HIF1A: variants seen among roughly 807,000 people sequenced by gnomAD.
The protein encoded by HIF1A is hypoxia-inducible factor 1-alpha.
HIF1A carries 24 observed loss-of-function variants against 92.7 expected under a neutral mutation model. The ratio of observed to expected loss-of-function variants is 0.26; its 90% CI spans 0.19 to 0.36. HIF1A has a LOEUF of 0.36. Ranked by LOEUF, HIF1A falls within the 10% of genes least tolerant of loss-of-function variation. The pLI is 1.00. For synonymous variants in HIF1A, 319 were observed against 338.7 expected (o/e 0.94, Z 0.64); for missense variants, 799 against 998.5 (o/e 0.80, Z 2.69).
Position 61,741,164 on chromosome 14 carries a change from T to C in HIF1A, c.2069T>C (p.Val690Ala), listed in dbSNP as rs1325615405. 6.2e-7 allele frequency: 1 copy of C among 1,603,748 alleles called. No individual in the cohort carries two copies. Among genetic ancestry groups the C allele is most frequent in the African/African-American group, 1.3e-5 (1 of 74,132 alleles). Residue 690 changes from valine to alanine, a missense_variant, in exon 12 of 15, where the codon GTG (valine) becomes GCG (alanine). Physicochemically the swap from Val to Ala is moderately conservative, Grantham distance 64. This residue lies in a region of HIF1A where 283 missense variants were observed against 277.5 expected (regional missense o/e 1.02). Transcript: ENST00000337138. ...AAATCTCATCCAAGAAGCCCTAACG[T>C]GTTATCTGTCGCTTTGAGTCAAAGG... ...TEKSHPRSPN[V>A]LSVALSQRTT...
chr14:61,730,727 A>G (rs2140146049), intron 6 of HIF1A, among the ~76,000 whole-genome samples: 1 of 152,276 alleles, frequency 6.6e-6, no homozygotes, highest in Non-Finnish European at 1.5e-5. Flanking sequence ...CAGTACATCT[A>G]CTGGAAGATT....
At position 61,742,609 on chromosome 14, in the gene HIF1A, G is replaced by A. The variant is rs2140158672; in HGVS notation, c.2093+1421G>A. Reference sequence around the variant, plus strand: ...CCTCAATAAATGGTTGTTGAGGCAGGGCGCAGTGGCTCATCACTGTAATCT... The same window carrying A: ...CCTCAATAAATGGTTGTTGAGGCAGAGCGCAGTGGCTCATCACTGTAATCT... On this transcript the variant is annotated intron_variant, in intron 12 of 14. Coordinates refer to ENST00000337138, the MANE Select transcript of HIF1A (RefSeq NM_001530.4). Among the ~76,000 whole-genome samples the A allele has an allele frequency of 1.3e-5, 2 of 152,216 alleles. 1 individual carries two copies. Among genetic ancestry groups the A allele is most frequent in the South Asian group, 4.1e-4 (2 of 4,820 alleles).
chr14:61,741,282 T>C, intron 12 of HIF1A, 94 bp downstream of exon 12: 1 of 838,948 alleles, frequency 1.2e-6, no homozygotes, highest in South Asian at 1.9e-5. Flanking sequence ...TAGCAAACTT[T>C]CTGATATATA....
At chr14:61,737,273 G>A (rs1484152632) in intron 9 of HIF1A, among the ~76,000 whole-genome samples, 164 bp downstream of exon 9, 2 of 152,090 alleles carry the variant, frequency 1.3e-5, no homozygotes, top group African/African-American at 4.8e-5. Flanking sequence ...TTTTGCCCCC[G>A]TAATTTCTTA....
intron 13 of HIF1A, among the ~76,000 whole-genome samples, chr14:61,745,348 G>A (rs771890349): frequency 2.0e-5 from 3 of 152,160 alleles, no homozygotes; most frequent in Non-Finnish European, 2.9e-5. Flanking sequence ...GCTTGAACCC[G>A]GGAGGTGGAG....
chr14:61,732,124 G>A (rs542928107), intron 6 of HIF1A, among the ~76,000 whole-genome samples: 30 of 152,250 alleles, frequency 2.0e-4, no homozygotes, highest in Non-Finnish European at 3.4e-4. Flanking sequence ...TGAGCAACAC[G>A]AGGGAAACTC....
rs139537116 is a variant in HIF1A, at chr14:61,721,667, C to A, written c.372+13C>A. The A allele has an allele frequency of 3.0e-5, 48 of 1,610,870 alleles. No individual in the cohort carries two copies. In the African/African-American group the frequency reaches 5.1e-4, roughly 17 times the overall value. ...GGGATTAACTCAGGTAAAATGCACA[C>A]ATATTAAGAGCTCTTCTATATGTTT... On this transcript the variant is annotated intron_variant, in intron 3 of 14. Coordinates refer to ENST00000337138, the MANE Select transcript of HIF1A (RefSeq NM_001530.4).
At chr14:61,741,979 T>C (rs573251922) in intron 12 of HIF1A, among the ~76,000 whole-genome samples, 78 of 152,322 alleles carry the variant, frequency 5.1e-4, no homozygotes, top group African/African-American at 1.8e-3. Flanking sequence ...GCCCCTCTTT[T>C]AAAATTTTAT....
At position 61,747,356 on chromosome 14, in the gene HIF1A, T is replaced by C; in HGVS notation, c.*271T>C. 4.3e-6 allele frequency: 1 copy of C among 233,662 alleles called. No individual in the cohort carries two copies. The highest frequency in any genetic ancestry group is 8.2e-6 in the Non-Finnish European group (1 of 121,822). 14.5% of individuals were successfully genotyped at this position (233,662 alleles called of 1,614,324 possible). A position where few individuals can be genotyped will look rare whatever the true frequency, so the allele number is the denominator to read the frequency against. ...GCATCATTTTAAAAAATGCACCTTT[T>C]TATTTATTTATTTTTGGCTAGGGAG... On this transcript the variant is annotated 3_prime_UTR_variant, in exon 15 of 15. Transcript: ENST00000337138.
intron 12 of HIF1A, among the ~76,000 whole-genome samples, chr14:61,743,556 A>G (rs2044740131): frequency 6.6e-6 from 1 of 152,118 alleles, no homozygotes; most frequent in Admixed American, 6.5e-5. Context: ...GAATTTTTAA[A>G]CTTCCCTGTC....
chr14:61,744,859 TCG>T, intron 13 of HIF1A, 46 bp downstream of exon 13: 3 of 755,834 alleles, frequency 4.0e-6, no homozygotes, highest in South Asian at 1.5e-5. Context: ...ATGTGCTATT[TCG>T]TGTGTGTGTG....
intron 12 of HIF1A, 60 bp from the exon 13 acceptor site, chr14:61,744,645 G>A (rs1013949186): frequency 4.3e-5 from 28 of 656,642 alleles, no homozygotes; most frequent in Admixed American, 1.8e-4. Context: ...CTTTAAAAGC[G>A]CTCACTGGAT....
chr14:61,732,137 G>C (rs1459342108), intron 6 of HIF1A, among the ~76,000 whole-genome samples: 10 of 151,772 alleles, frequency 6.6e-5, no homozygotes, highest in African/African-American at 2.4e-4. Flanking sequence ...GGAAACTCTT[G>C]TCTCAAAAAA....
intron 1 of HIF1A, among the ~76,000 whole-genome samples, chr14:61,698,186 C>A (rs1359903153): frequency 6.6e-6 from 1 of 152,116 alleles, no homozygotes; most frequent in Non-Finnish European, 1.5e-5. Flanking sequence ...CCTTAATTTC[C>A]TTCATTAACT....
chr14:61,740,062 A>ATTTTTTTTTTTTTTTTTTTT (rs36189686), intron 10 of HIF1A: 1 of 94,128 alleles, frequency 1.1e-5, no homozygotes, highest in Non-Finnish European at 1.9e-5. Flanking sequence ...ATTTTCACAA[A>ATTTTTTTTTTTTTTTTTTTT]TTTTTTTTTT....
At chr14:61,708,200 C>T (rs1315552403) in intron 1 of HIF1A, among the ~76,000 whole-genome samples, 16 of 151,604 alleles carry the variant, frequency 1.1e-4, no homozygotes, top group African/African-American at 1.9e-4. Context: ...ATTCTGGATA[C>T]TAGCCCTTTG....
At chr14:61,729,539 C>T (rs1045384312) in intron 6 of HIF1A, among the ~76,000 whole-genome samples, 17 of 151,276 alleles carry the variant, frequency 1.1e-4, no homozygotes, top group African/African-American at 4.1e-4. Flanking sequence ...GTGCCTAGTA[C>T]AGATAGTGAA....
chr14:61,709,540 G>A (rs1003514276), intron 1 of HIF1A, among the ~76,000 whole-genome samples: 12 of 152,116 alleles, frequency 7.9e-5, no homozygotes. Context: ...TTTTGGTGAG[G>A]TTTGGAAGGT....
chr14:61,697,454 C>T (rs931415842), intron 1 of HIF1A, among the ~76,000 whole-genome samples: 1 of 152,120 alleles, frequency 6.6e-6, no homozygotes, highest in African/African-American at 2.4e-5. Flanking sequence ...AAATTATGTA[C>T]CACTTTTTTT....
Sources: allele counts gnomAD v4.1 joint callset (sites outside exome capture counted in the v4.1 genomes callset), GRCh38; gene constraint gnomAD v4.1.1; regional missense constraint gnomAD v4.1.1; transcripts MANE v1.5; gene names NCBI Gene and HGNC (gene_info 2026-07-23, HGNC 2026-07-21).